The following FRZB variants were observed in gnomAD, a reference collection of about 807,000 sequenced individuals.
FRZB encodes the protein secreted frizzled-related protein 3.
In FRZB, 34 loss-of-function variants were observed where a neutral mutation model predicts 32.5. The observed-to-expected ratio is 1.05, with a 90% CI of 0.80 to 1.39. The LOEUF is 1.39. Ranked by LOEUF, FRZB falls within the 40% of genes most tolerant of loss-of-function variation. The pLI is 0.00. For missense variants in FRZB, 423 were observed against 424.8 expected, an observed-to-expected ratio of 1.00 and a Z score of 0.04; for synonymous variants, 170 against 159.2, an observed-to-expected ratio of 1.07 and a Z score of -0.51.
chr2:182,844,371 G>A (rs941104361), intron 2 of FRZB, among the ~76,000 whole-genome samples: 2 of 152,080 alleles, frequency 1.3e-5, no homozygotes, highest in Non-Finnish European at 2.9e-5. Context: ...AGCTTTTGGC[G>A]TTCTGTATTT....
chr2:182,862,962 G>T (rs1276828212), intron 1 of FRZB, among the ~76,000 whole-genome samples: 1 of 151,934 alleles, frequency 6.6e-6, no homozygotes, highest in African/African-American at 2.4e-5. Flanking sequence ...TAGAGACAGG[G>T]TTTCACCATG....
At chr2:182,863,309 T>C (rs1048451931) in intron 1 of FRZB, among the ~76,000 whole-genome samples, 7 of 152,246 alleles carry the variant, frequency 4.6e-5, no homozygotes, top group Non-Finnish European at 8.8e-5. Flanking sequence ...AGCTGAGTTT[T>C]CAGATAATCA....
chr2:182,852,075 T>C (rs1204532292), intron 2 of FRZB, among the ~76,000 whole-genome samples: 1 of 152,202 alleles, frequency 6.6e-6, no homozygotes, highest in Admixed American at 6.5e-5. Flanking sequence ...GTCTATCCTT[T>C]TTTTTCCAAT....
intron 2 of FRZB, 49 bp downstream of exon 2, chr2:182,858,737 T>C (rs761436975): frequency 1.4e-6 from 2 of 1,428,290 alleles, no homozygotes; most frequent in South Asian, 2.5e-5. Flanking sequence ...ATTACATCAA[T>C]GACTAATCTG....
In FRZB at chr2:182,866,089, G is replaced by A; in HGVS notation, c.464C>T (p.Thr155Ile). 5 of 1,610,280 alleles carry A rather than the reference G, an allele frequency of 3.1e-6. No homozygotes were observed. Among genetic ancestry groups the A allele is most frequent in the Non-Finnish European group, 4.2e-6 (5 of 1,177,070 alleles). Reference sequence around the variant, plus strand: ...TCAAAACTCACCAGCTCCGTCCGCAGTAACGATGGCCTCGGGAGAGATGCA... The same window carrying A: ...TCAAAACTCACCAGCTCCGTCCGCAATAACGATGGCCTCGGGAGAGATGCA... ...GVCISPEAIV[T>I]ADGADFPMDS... The change falls in exon 1 of 6, where the codon ACT becomes ATT. Residue 155 changes from threonine (T) to isoleucine (I), a missense_variant. Thr to Ile is a moderately conservative substitution (Grantham distance 89). Coordinates refer to ENST00000295113, the MANE Select transcript of FRZB (RefSeq NM_001463.4). The surrounding 1 kb of genome is among the most constrained non-coding windows in gnomAD (Gnocchi z 4.5).
intron 2 of FRZB, 147 bp from the exon 3 acceptor site, chr2:182,842,690 G>C (rs1695599467): frequency 1.7e-6 from 1 of 604,432 alleles, no homozygotes; most frequent in Non-Finnish European, 3.0e-6. Flanking sequence ...TTTTCTCCTG[G>C]AACTACATTC....
chr2:182,866,033 A>G lies in FRZB; in HGVS notation c.478+42T>C. The G allele has an allele frequency of 6.8e-7, 1 of 1,474,404 alleles. No homozygotes were observed. Among genetic ancestry groups the G allele is most frequent in the Non-Finnish European group, 9.3e-7 (1 of 1,070,776 alleles). 91.3% of individuals were successfully genotyped at this position (1,474,404 alleles called of 1,614,324 possible). A position where few individuals can be genotyped will look rare whatever the true frequency, so the allele number is the denominator to read the frequency against. ...GTAACAAGGACTCCAAGAATTGAGG[A>G]GGCTGTAGGGTAAGGGAAGGGTGGG... On this transcript the variant is annotated intron_variant, in intron 1 of 5. Transcript: ENST00000295113. The surrounding 1 kb of genome is among the most constrained non-coding windows in gnomAD (Gnocchi z 4.5).
At chr2:182,839,816 A>G (rs554942689) in intron 3 of FRZB, among the ~76,000 whole-genome samples, 216 of 152,250 alleles carry the variant, frequency 1.4e-3, no homozygotes, top group East Asian at 1.2e-3. Flanking sequence ...AACACCGTTT[A>G]TCCAAATGAG....
chr2:182,852,209 A>T (rs1695717574), intron 2 of FRZB, among the ~76,000 whole-genome samples: 1 of 152,140 alleles, frequency 6.6e-6, no homozygotes, highest in African/African-American at 2.4e-5. Context: ...AAAGAGAGGG[A>T]ATGGGTCTAT....
chr2:182,848,665 C>T (rs1169286121), intron 2 of FRZB, among the ~76,000 whole-genome samples: 5 of 152,126 alleles, frequency 3.3e-5, no homozygotes, highest in Non-Finnish European at 5.9e-5. Flanking sequence ...CAGAAATCAA[C>T]TATATTAAAC....
intron 1 of FRZB, among the ~76,000 whole-genome samples, chr2:182,860,912 G>T (rs917654251): frequency 6.6e-6 from 1 of 150,896 alleles, no homozygotes; most frequent in Admixed American, 6.6e-5. Flanking sequence ...GACTACTAAG[G>T]TATGGTGGTA....
chr2:182,839,655 G>A (rs1404171091), intron 3 of FRZB, among the ~76,000 whole-genome samples: 8 of 151,986 alleles, frequency 5.3e-5, no homozygotes, highest in Admixed American at 5.3e-4. Flanking sequence ...GAGTCAAGTT[G>A]TTCAGATTCC....
chr2:182,865,908 T>C (rs977928413), intron 1 of FRZB, among the ~76,000 whole-genome samples, 167 bp downstream of exon 1: 3 of 152,034 alleles, frequency 2.0e-5, no homozygotes, highest in Non-Finnish European at 4.4e-5. Flanking sequence ...TGTTTTTGTT[T>C]TTGAAAAAAG....
chr2:182,843,651 G>A (rs1214762143), intron 2 of FRZB, among the ~76,000 whole-genome samples: 1 of 152,138 alleles, frequency 6.6e-6, no homozygotes, highest in Non-Finnish European at 1.5e-5. Flanking sequence ...GGGCACAAGC[G>A]CTCACGCCTG....
At position 182,842,129 on chromosome 2, in the gene FRZB, A is replaced by G. The variant is rs535146721; in HGVS notation, c.592+349T>C. 5.9e-5 allele frequency among the ~76,000 whole-genome samples: 9 copies of G among 152,296 alleles called. No homozygotes were observed. The South Asian group carries it at 1.9e-3, about 32-fold the overall frequency. ...TGCTCTGCTGTTCACTCAGTGAAGC[A>G]CAACTGATGGCCTATGCAACCCAAC... is the stretch of plus-strand genomic sequence containing the variant. On this transcript the variant is annotated intron_variant, in intron 3 of 5. Transcript: ENST00000295113.
In FRZB at chr2:182,866,399, T is replaced by C. The variant is rs771333981; in HGVS notation, c.154A>G (p.Lys52Glu). 1.2e-6 allele frequency: 2 copies of C among 1,611,752 alleles called. No individual in the cohort carries two copies. Among genetic ancestry groups the C allele is most frequent in the African/African-American group, 1.3e-5 (1 of 74,888 alleles). Residue 52 changes from lysine to glutamate, a missense_variant, in exon 1 of 6, where the codon AAG becomes GAG. Lys to Glu is a moderately conservative substitution (Grantham distance 56). Transcript: ENST00000295113. The surrounding 1 kb of genome is among the most constrained non-coding windows in gnomAD (Gnocchi z 4.5). ...LCKSLPWNMT[K>E]MPNHLHHSTQ... The stretch of plus-strand genomic sequence containing the variant: ...CTGTGGTGCAGGTGGTTGGGCATCT[T>C]AGTCATGTTCCAGGGCAGGGACTTG...
At position 182,866,394 on chromosome 2, in the gene FRZB, C is replaced by T; in HGVS notation, c.159G>A (p.Met53Ile). The T allele has an allele frequency of 6.2e-7, 1 of 1,611,848 alleles. No homozygotes were observed. The highest frequency in any genetic ancestry group is 8.5e-7 in the Non-Finnish European group (1 of 1,178,432). ...GAGTGCTGTGGTGCAGGTGGTTGGG[C>T]ATCTTAGTCATGTTCCAGGGCAGGG... ...CKSLPWNMTK[M>I]PNHLHHSTQA... The change falls in exon 1 of 6, where the codon ATG becomes ATA. Residue 53 changes from methionine to isoleucine, a missense_variant. Transcript: ENST00000295113. This position sits in a 1 kb window ranked among gnomAD's most constrained non-coding sequence, Gnocchi z 4.5.
At chr2:182,835,418 GA>G (rs1290356366) in intron 5 of FRZB, among the ~76,000 whole-genome samples, 2 of 148,096 alleles carry the variant, frequency 1.4e-5, no homozygotes, top group African/African-American at 2.5e-5. Flanking sequence ...TTTGAGCAGT[GA>G]AAAAAAAATG....
intron 2 of FRZB, among the ~76,000 whole-genome samples, chr2:182,852,049 C>T (rs1695716012): frequency 6.6e-6 from 1 of 152,164 alleles, no homozygotes; most frequent in South Asian, 2.1e-4. Context: ...ACTGTAAAAT[C>T]ACAAAAATAC....
Sources: allele counts gnomAD v4.1 joint callset (sites outside exome capture counted in the v4.1 genomes callset), GRCh38; gene constraint gnomAD v4.1.1; non-coding constraint Gnocchi (gnomAD v3.1); transcripts MANE v1.5; gene names NCBI Gene and HGNC (gene_info 2026-07-23, HGNC 2026-07-21).